The following RMDN2 variants were observed in gnomAD, a reference collection of about 807,000 sequenced individuals.
The protein encoded by RMDN2 is regulator of microtubule dynamics 2, also known as regulator of microtubule dynamics protein 2.
A neutral mutation model predicts 52.8 loss-of-function variants in RMDN2; 61 were observed. That is an observed-to-expected ratio of 1.16 (90% CI 0.94 to 1.43). RMDN2 has a LOEUF of 1.43. Among genes scored for constraint, RMDN2 ranks in the 40% most tolerant of loss-of-function variants. RMDN2 has a pLI of 0.00. For missense variants in RMDN2, 592 were observed against 475.3 expected (o/e 1.25, Z -2.28); for synonymous variants, 180 against 153.1 (o/e 1.18, Z -1.30).
At chr2:38,066,771 A>G in intron 10 of RMDN2, 1 of 554,856 alleles carries the variant, frequency 1.8e-6, no homozygotes, top group East Asian at 3.0e-5. Context: ...TATTTAAAGG[A>G]ATATTTTTCC....
intron 10 of RMDN2, among the ~76,000 whole-genome samples, chr2:38,011,288 C>T (rs546510350): frequency 6.6e-6 from 1 of 152,326 alleles, no homozygotes; most frequent in Admixed American, 6.5e-5. Context: ...CCCTTTGATT[C>T]AGTAAGTCAG....
In RMDN2 at chr2:38,029,155, C is replaced by T. The variant is rs1031575858; in HGVS notation, c.1713+24939C>T. On this transcript the variant is annotated intron_variant, in intron 10 of 10. Transcript: ENST00000234195. ...CTTTTGTGTACCCCACGCTCCCACC[C>T]AGTCTGCCTTTCCAGCAGATCTCCA... Among the ~76,000 whole-genome samples the T allele has an allele frequency of 9.2e-5, 14 of 152,182 alleles. 1 individual carries two copies.
At chr2:37,970,793 A>T (rs1381557502) in intron 2 of RMDN2, among the ~76,000 whole-genome samples, 1 of 152,154 alleles carries the variant, frequency 6.6e-6, no homozygotes, top group Non-Finnish European at 1.5e-5. Context: ...TAATAGCTTT[A>T]TACCTTTATA....
intron 5 of RMDN2, among the ~76,000 whole-genome samples, chr2:37,987,808 C>T (rs1674232191): frequency 6.6e-6 from 1 of 152,100 alleles, no homozygotes; most frequent in African/African-American, 2.4e-5. Flanking sequence ...CCTGTAATCC[C>T]AGCGCTTTGG....
At chr2:38,015,953 A>G (rs1248582146) in intron 10 of RMDN2, among the ~76,000 whole-genome samples, 1 of 152,236 alleles carries the variant, frequency 6.6e-6, no homozygotes, top group Non-Finnish European at 1.5e-5. Flanking sequence ...GGAGAAAAGG[A>G]ATAACCTGAG....
intron 2 of RMDN2, among the ~76,000 whole-genome samples, chr2:37,941,893 G>A (rs1274846548): frequency 6.6e-6 from 1 of 151,936 alleles, no homozygotes; most frequent in Non-Finnish European, 1.5e-5. Context: ...CCCTTTCCAG[G>A]GGAGTGAGTG....
intron 10 of RMDN2, among the ~76,000 whole-genome samples, chr2:38,014,529 C>T (rs1678472658): frequency 6.6e-6 from 1 of 152,120 alleles, no homozygotes; most frequent in Non-Finnish European, 1.5e-5. Flanking sequence ...CTGTTCTTAA[C>T]CAGTACCCAG....
At chr2:38,012,178 A>C (rs1238395538) in intron 10 of RMDN2, among the ~76,000 whole-genome samples, 4 of 151,340 alleles carry the variant, frequency 2.6e-5, no homozygotes, top group African/African-American at 4.9e-5. Flanking sequence ...ACTCCTACCC[A>C]CCCTCTGCTC....
chr2:38,007,590 C>A (rs1181973508), intron 10 of RMDN2, among the ~76,000 whole-genome samples: 1 of 152,108 alleles, frequency 6.6e-6, no homozygotes, highest in African/African-American at 2.4e-5. Context: ...TTTGATTCTT[C>A]TGTCTTTTCT....
chr2:37,999,360 A>G (rs1676007807), intron 8 of RMDN2, among the ~76,000 whole-genome samples: 1 of 152,222 alleles, frequency 6.6e-6, no homozygotes. Context: ...TCTTACAAGT[A>G]AATTGCTTAG....
At chr2:38,012,649 G>A (rs1477438395) in intron 10 of RMDN2, 8 of 459,248 alleles carry the variant, frequency 1.7e-5, no homozygotes, top group Non-Finnish European at 3.1e-5. Context: ...AAGTAGTAAA[G>A]GTATGTAAGG....
chr2:37,932,578 T>C (rs1215191306), intron 2 of RMDN2, among the ~76,000 whole-genome samples: 198 of 151,570 alleles, frequency 1.3e-3, no homozygotes, highest in African/African-American at 4.5e-3. Context: ...AGCTGTTGGG[T>C]ACACCTCCCA....
At chr2:38,030,550 G>A (rs778782709) in intron 10 of RMDN2, 1 of 152,126 alleles carries the variant, frequency 6.6e-6, no homozygotes, top group Non-Finnish European at 1.5e-5. Context: ...TATAGTGAAA[G>A]CACATATATT....
intron 10 of RMDN2, among the ~76,000 whole-genome samples, chr2:38,057,435 G>C (rs1681890821): frequency 6.6e-6 from 1 of 152,202 alleles, no homozygotes; most frequent in Admixed American, 6.5e-5. Flanking sequence ...CTATTTAAAA[G>C]TGTAAAAATA....
intron 10 of RMDN2, among the ~76,000 whole-genome samples, chr2:38,012,137 C>G (rs1171535400): frequency 6.6e-6 from 1 of 152,184 alleles, no homozygotes; most frequent in Admixed American, 6.5e-5. Flanking sequence ...TGCCCTTCAC[C>G]CTTAGAACAT....
At chr2:37,950,570 A>T in intron 2 of RMDN2, 3 of 1,613,234 alleles carry the variant, frequency 1.9e-6, no homozygotes, top group Non-Finnish European at 2.5e-6. Flanking sequence ...ACTTTGGATT[A>T]AATTTACAAT....
chr2:38,020,272 C>A (rs1679246167), downstream of RMDN2, among the ~76,000 whole-genome samples: 2 of 152,162 alleles, frequency 1.3e-5, no homozygotes, highest in African/African-American at 4.8e-5. Context: ...ACTTGTTTTC[C>A]TGCAACTAGA....
chr2:37,951,226 C>G (rs1240611093), intron 2 of RMDN2: 1 of 1,565,812 alleles, frequency 6.4e-7, no homozygotes, highest in Non-Finnish European at 8.6e-7. Context: ...CCTTTTCTCA[C>G]TCTTAGCTGC....
intron 10 of RMDN2, among the ~76,000 whole-genome samples, chr2:38,015,838 G>T (rs1678697268): frequency 6.6e-6 from 1 of 152,190 alleles, no homozygotes; most frequent in Non-Finnish European, 1.5e-5. Context: ...AGCAGAATTG[G>T]CCTGGGGAGG....
Sources: gnomAD v4.1 joint callset for allele counts (sites outside exome capture counted in the v4.1 genomes callset) on GRCh38, gnomAD v4.1.1 for gene constraint, MANE v1.5 for transcripts, NCBI Gene and HGNC (gene_info 2026-07-23, HGNC 2026-07-21) for gene names.